Variants in ARID1B observed in about 807,000 individuals in gnomAD.
The protein encoded by ARID1B is AT-rich interaction domain 1B, also known as AT-rich interactive domain-containing protein 1B.
In ARID1B, 30 loss-of-function variants were observed where a neutral mutation model predicts 212.3. That is an observed-to-expected ratio of 0.14 (90% CI 0.11 to 0.19). The LOEUF (loss-of-function observed/expected upper bound fraction) is 0.19. ARID1B is among the 10% of genes least tolerant of loss of function. ARID1B has a pLI of 1.00. For synonymous variants in ARID1B, 1,402 were observed against 1,301.7 expected, an observed-to-expected ratio of 1.08 and a Z score of -1.66; for missense variants, 2,891 against 3,204.0, an observed-to-expected ratio of 0.90 and a Z score of 2.36.
intron 4 of ARID1B, among the ~76,000 whole-genome samples, chr6:157,059,989 A>AGAG (rs1193578576): frequency 1.3e-5 from 2 of 152,202 alleles, no homozygotes; most frequent in Admixed American, 1.3e-4. Context: ...CAGCGTGTCA[A>AGAG]GAGGAAGTGT....
chr6:157,134,618 C>T (rs113077350), intron 7 of ARID1B, among the ~76,000 whole-genome samples: 4 of 152,314 alleles, frequency 2.6e-5, no homozygotes, highest in African/African-American at 9.6e-5. Context: ...TGCTTGTTCC[C>T]TGTCAGTGCC....
At chr6:156,995,894 G>T (rs1201452347) in intron 4 of ARID1B, among the ~76,000 whole-genome samples, 3 of 152,172 alleles carry the variant, frequency 2.0e-5, no homozygotes, top group Non-Finnish European at 4.4e-5. Flanking sequence ...TATTACATAG[G>T]ACATGTTACT....
rs1791389848 is a variant in ARID1B at position 157,167,196 on chromosome 6, C to T, written c.3235+11C>T. 2 of 1,602,274 alleles carry T rather than the reference C, an allele frequency of 1.2e-6. No homozygotes were observed. The highest frequency in any genetic ancestry group is 1.7e-5 in the Admixed American group (1 of 59,716). The stretch of plus-strand genomic sequence containing the variant: ...TGAACAGCTCGGCAGGTAACCTTGG[C>T]AGCTCTGCGCTCCTGAGCCCCTCTC... On this transcript the variant is annotated intron_variant, in intron 9 of 19. Transcript: ENST00000636930.
In ARID1B at chr6:156,778,289, G is replaced by T; in HGVS notation, c.609G>T (p.Gln203His). The T allele has an allele frequency of 6.5e-7, 1 of 1,532,098 alleles. No homozygotes were observed. The allele number at this position is 1,532,098 out of a possible 1,614,324, so 94.9% of individuals were successfully genotyped here. Residue 203 changes from glutamine to histidine, a missense_variant, in exon 1 of 20, where the codon CAG becomes CAT. Transcript: ENST00000636930. ...AGTTCCAGCAGCAGCAGCAGCAGCA[G>T]CAACAGCAGCAGCAGCAGCAGCAGC... ...LNQFQQQQQQ[Q>H]QQQQQQQQQQ...
intron 19 of ARID1B, chr6:157,204,219 G>A (rs1405078196): frequency 2.1e-6 from 1 of 487,540 alleles, no homozygotes; most frequent in Non-Finnish European, 3.7e-6. Context: ...TTTCTTATGA[G>A]AGAACAGTGA....
chr6:156,902,623 A>C (rs888904379), intron 3 of ARID1B, among the ~76,000 whole-genome samples: 3 of 150,932 alleles, frequency 2.0e-5, no homozygotes, highest in Non-Finnish European at 2.9e-5. Flanking sequence ...ACCCAGTACA[A>C]TCTTGTTTTT....
At chr6:157,134,782 G>A (rs1788801817) in intron 7 of ARID1B, among the ~76,000 whole-genome samples, 2 of 152,204 alleles carry the variant, frequency 1.3e-5, no homozygotes, top group Admixed American at 1.3e-4. Flanking sequence ...AAAACGGTTT[G>A]TAACTTGTGG....
rs1402301963 is a variant in ARID1B at position 157,207,028 on chromosome 6, G to T, written c.6256G>T (p.Ala2086Ser). 11 of 1,614,240 alleles carry T rather than the reference G, an allele frequency of 6.8e-6. No individual in the cohort carries two copies. Among genetic ancestry groups the T allele is most frequent in the Non-Finnish European group, 9.3e-6 (11 of 1,180,048 alleles). ...CTTGTCATTCGTGCCTGGCAATGAT[G>T]CCGAAATGTCCAAACATCCAGGCCT... is the stretch of plus-strand genomic sequence containing the variant. The part of the protein sequence containing the change: ...RSLSFVPGND[A>S]EMSKHPGLVL... Residue 2086 changes from alanine to serine, a missense_variant, in exon 20 of 20, where the codon GCC (alanine) becomes TCC (serine). Around this residue, in one of 7 missense-constraint regions of ARID1B, gnomAD observed 19 missense variants for 52.9 expected, o/e 0.36. Coordinates refer to ENST00000636930, the MANE Select transcript of ARID1B (RefSeq NM_001374828.1). The surrounding 1 kb of genome is among the most constrained non-coding windows in gnomAD (Gnocchi z 8.5).
intron 1 of ARID1B, among the ~76,000 whole-genome samples, chr6:156,780,032 TAGGG>T (rs1779126015): frequency 6.6e-6 from 1 of 152,112 alleles, no homozygotes; most frequent in South Asian, 2.1e-4. Context: ...TTTTCCTACT[TAGGG>T]AGAGCCATTC....
At chr6:157,143,437 T>TGG (rs139635777) in intron 7 of ARID1B, among the ~76,000 whole-genome samples, 15,607 of 148,008 alleles carry the variant, frequency 0.11, 964 homozygotes, top group African/African-American at 0.16. Context: ...ATCGAGTAGT[T>TGG]GGGGGGGGCA....
At chr6:157,082,568 C>T (rs540419847) in intron 4 of ARID1B, among the ~76,000 whole-genome samples, 5 of 152,170 alleles carry the variant, frequency 3.3e-5, no homozygotes, top group Admixed American at 6.5e-5. Context: ...GGAACTGCAT[C>T]TCACCGTGTC....
At chr6:156,986,154 A>AT (rs1426615944) in intron 4 of ARID1B, among the ~76,000 whole-genome samples, 2 of 151,940 alleles carry the variant, frequency 1.3e-5, no homozygotes, top group Non-Finnish European at 2.9e-5. Flanking sequence ...CCTAATTTTC[A>AT]TTTTTATCAC....
At chr6:157,054,823 G>C (rs1191759269) in intron 4 of ARID1B, among the ~76,000 whole-genome samples, 1 of 152,188 alleles carries the variant, frequency 6.6e-6, no homozygotes, top group Non-Finnish European at 1.5e-5. Flanking sequence ...ACACATAAAT[G>C]TCTATTCACG....
Position 156,847,692 on chromosome 6 carries a change from T to C in ARID1B, c.1986+18271T>C, listed in dbSNP as rs184394498. Among the ~76,000 whole-genome samples the C allele has an allele frequency of 7.9e-5, 12 of 152,336 alleles. No individual in the cohort carries two copies. In the East Asian group the frequency reaches 1.9e-3, roughly 24 times the overall value. On this transcript the variant is annotated intron_variant, in intron 2 of 19. Transcript: ENST00000636930. ...TGAATGTGTTTACATTTGGTAGTTA[T>C]TAACACACGTCTGCAGGTAAACATG...
chr6:156,925,211 G>C (rs570264917), intron 3 of ARID1B, among the ~76,000 whole-genome samples: 1 of 152,322 alleles, frequency 6.6e-6, no homozygotes, highest in South Asian at 2.1e-4. Context: ...GCAGGTCCTT[G>C]TTTACATGGG....
At chr6:156,996,923 T>G (rs1778624323) in intron 4 of ARID1B, among the ~76,000 whole-genome samples, 2 of 152,176 alleles carry the variant, frequency 1.3e-5, no homozygotes, top group African/African-American at 4.8e-5. Context: ...ATCTACGACT[T>G]AAAAGTTTCT....
chr6:156,799,819 T>A (rs1220252256), intron 1 of ARID1B, among the ~76,000 whole-genome samples: 1 of 152,190 alleles, frequency 6.6e-6, no homozygotes, highest in Admixed American at 6.5e-5. Flanking sequence ...GAAAAGCTGA[T>A]GAAAGATCTT....
At chr6:156,825,910 A>G (rs1782707459) in intron 1 of ARID1B, among the ~76,000 whole-genome samples, 1 of 152,236 alleles carries the variant, frequency 6.6e-6, no homozygotes, top group Non-Finnish European at 1.5e-5. Flanking sequence ...TCAGGCATAA[A>G]TTCTAATTTA....
At chr6:157,052,341 C>T (rs544564306) in intron 4 of ARID1B, among the ~76,000 whole-genome samples, 6 of 152,128 alleles carry the variant, frequency 3.9e-5, no homozygotes, top group African/African-American at 7.2e-5. Context: ...GTAATAGATC[C>T]GTGTGGAACC....
Sources: gnomAD v4.1 joint callset for allele counts (sites outside exome capture counted in the v4.1 genomes callset) on GRCh38, gnomAD v4.1.1 for gene constraint, gnomAD v4.1.1 regional missense constraint, Gnocchi (gnomAD v3.1) non-coding constraint, MANE v1.5 for transcripts, NCBI Gene and HGNC (gene_info 2026-07-23, HGNC 2026-07-21) for gene names.